Variants in PFKFB2 observed in about 807,000 individuals in gnomAD.
PFKFB2 encodes the protein 6-phosphofructo-2-kinase/fructose-2,6-biphosphatase 2, also known as 6-phosphofructo-2-kinase/fructose-2,6-bisphosphatase 2.
A neutral mutation model predicts 68.0 loss-of-function variants in PFKFB2; 53 were observed. The ratio of observed to expected loss-of-function variants is 0.78; its 90% CI spans 0.63 to 0.98. The LOEUF (loss-of-function observed/expected upper bound fraction) is 0.98. Among genes scored for constraint, PFKFB2 ranks in the 50% least tolerant of loss-of-function variants. PFKFB2 has a pLI of 0.00. For missense variants in PFKFB2, 451 were observed against 642.0 expected, an observed-to-expected ratio of 0.70 and a Z score of 3.22; for synonymous variants, 222 against 227.6, an observed-to-expected ratio of 0.98 and a Z score of 0.22.
In PFKFB2 at chr1:207,063,864, C is replaced by T. The variant is rs374983269; in HGVS notation, c.507+35C>T. The stretch of plus-strand genomic sequence containing the variant: ...ACCCCTACATATCATCTCCTCTTCA[C>T]CTTTTGTGCTGTGTGTGTTGTGGGG... On this transcript the variant is annotated intron_variant, in intron 7 of 14. Coordinates refer to ENST00000367080, the MANE Select transcript of PFKFB2 (RefSeq NM_006212.2). This position sits in a 1 kb window ranked among gnomAD's most constrained non-coding sequence, Gnocchi z 4.1. 27 of 1,349,422 alleles carry T rather than the reference C, an allele frequency of 2.0e-5. No homozygotes were observed. The highest frequency in any genetic ancestry group is 3.5e-5 in the Admixed American group (2 of 57,784). The allele number at this position is 1,349,422 out of a possible 1,614,324, so 83.6% of individuals were successfully genotyped here. A position where few individuals can be genotyped will look rare whatever the true frequency, so the allele number is the denominator to read the frequency against.
rs1683403791 is a variant in PFKFB2 at position 207,069,531 on chromosome 1, A to G, written c.1092+3A>G. The G allele has an allele frequency of 5.1e-6, 8 of 1,575,382 alleles. No individual in the cohort carries two copies. The highest frequency in any genetic ancestry group is 6.1e-6 in the Non-Finnish European group (7 of 1,144,684). On this transcript the variant is annotated splice_donor_region_variant and intron_variant, in intron 11 of 14. Transcript: ENST00000367080. The stretch of plus-strand genomic sequence containing the variant: ...TGTATCGATATCCTGGTGGGGAGGT[A>G]AGACGCCCCTGTCATGTAAAGTGAC...
chr1:207,048,039 T>G (rs1175658341), intron 2 of PFKFB2: 1 of 152,392 alleles, frequency 6.6e-6, no homozygotes, highest in African/African-American at 2.4e-5. Flanking sequence ...GAAGTGCTCT[T>G]AACAAAAAGC....
chr1:207,071,069 C>CT (rs1683451576), intron 12 of PFKFB2, 119 bp from the exon 13 acceptor site: 2 of 803,814 alleles, frequency 2.5e-6, no homozygotes, highest in Non-Finnish European at 4.3e-6. Context: ...TTGTACAACT[C>CT]TAAGAGGTGG....
chr1:207,050,342 T>A (rs530312345), upstream of PFKFB2, among the ~76,000 whole-genome samples: 1 of 151,814 alleles, frequency 6.6e-6, no homozygotes, highest in East Asian at 1.9e-4. Context: ...ATCGGTGATA[T>A]AGGGAAAAAG....
intron 1 of PFKFB2, among the ~76,000 whole-genome samples, chr1:207,040,449 A>G (rs917991086): frequency 9.9e-5 from 15 of 152,228 alleles, no homozygotes; most frequent in Admixed American, 5.2e-4. Flanking sequence ...TCAGAAGGGC[A>G]GAGAAGTTAA....
At chr1:207,049,700 CT>C, upstream of PFKFB2, 1 of 1,613,872 alleles carries the variant, frequency 6.2e-7, no homozygotes, top group Non-Finnish European at 8.5e-7. Flanking sequence ...CTGGTTTGGT[CT>C]TCTTCAATGA....
At chr1:207,067,756 G>T (rs766006505) in intron 9 of PFKFB2, 50 bp downstream of exon 9, 4 of 1,409,656 alleles carry the variant, frequency 2.8e-6, no homozygotes, top group Non-Finnish European at 3.0e-6. Context: ...AGTTAGAAGG[G>T]CATGACTGAG....
chr1:207,067,489 C>G lies in PFKFB2; in HGVS notation c.633-10C>G. 1 of 1,589,596 alleles carries G rather than the reference C, an allele frequency of 6.3e-7. No individual in the cohort carries two copies. Among genetic ancestry groups the G allele is most frequent in the Non-Finnish European group, 8.6e-7 (1 of 1,168,492 alleles). ...ACCTAGGGAATTTTTTTTTTCCTTT[C>G]CTGTCCCAGGGATCTTTCTTTCATC... On this transcript the variant is annotated splice_polypyrimidine_tract_variant and intron_variant, in intron 8 of 14. Coordinates refer to ENST00000367080, the MANE Select transcript of PFKFB2 (RefSeq NM_006212.2).
At chr1:207,037,189 T>C (rs1226970705) in intron 1 of PFKFB2, among the ~76,000 whole-genome samples, 2 of 152,238 alleles carry the variant, frequency 1.3e-5, no homozygotes, top group Non-Finnish European at 2.9e-5. Flanking sequence ...TTTGAATTCT[T>C]CTCTATCTTG....
Position 207,074,153 on chromosome 1 carries a change from A to G in PFKFB2, c.*1782A>G, listed in dbSNP as rs1683552647. The G allele has an allele frequency of 1.0e-6, 1 of 981,522 alleles. No individual in the cohort carries two copies. The allele number at this position is 981,522 out of a possible 1,614,324, so 60.8% of individuals were successfully genotyped here. A position where few individuals can be genotyped will look rare whatever the true frequency, so the allele number is the denominator to read the frequency against. Reference sequence around the variant, plus strand: ...AGCTTCCCGGATGATTCTGATTCATAGCTCGGGTTAAGAACTCCACCTTAG... The same window carrying G: ...AGCTTCCCGGATGATTCTGATTCATGGCTCGGGTTAAGAACTCCACCTTAG... On this transcript the variant is annotated 3_prime_UTR_variant, in exon 15 of 15. Coordinates refer to ENST00000367080, the MANE Select transcript of PFKFB2 (RefSeq NM_006212.2).
At chr1:207,045,661 A>T (rs1682583902) in intron 2 of PFKFB2, 1 of 151,932 alleles carries the variant, frequency 6.6e-6, no homozygotes, top group Non-Finnish European at 1.5e-5. Context: ...TTTTTCCCAA[A>T]AAGATGTAAG....
At chr1:207,046,095 C>G (rs1383424316) in intron 2 of PFKFB2, 2 of 151,952 alleles carry the variant, frequency 1.3e-5, no homozygotes, top group East Asian at 3.9e-4. Context: ...CTACACCTGA[C>G]CTTTAATCCA....
chr1:207,077,470 T>C lies in PFKFB2; in HGVS notation c.*5099T>C. On this transcript the variant is annotated 3_prime_UTR_variant, in exon 15 of 15. Transcript: ENST00000367080. The stretch of plus-strand genomic sequence containing the variant: ...TTATTATATTGACCTAACAAGAAGA[T>C]CAACTTATGCTGGTATGGTGATGGT... 3 of 985,406 alleles carry C rather than the reference T, an allele frequency of 3.0e-6. No individual in the cohort carries two copies. The highest frequency in any genetic ancestry group is 3.6e-6 in the Non-Finnish European group (3 of 829,826). The allele number at this position is 985,406 out of a possible 1,614,324, so 61.0% of individuals were successfully genotyped here.
intron 1 of PFKFB2, among the ~76,000 whole-genome samples, chr1:207,035,661 A>G (rs1274757487): frequency 2.0e-5 from 3 of 148,378 alleles, no homozygotes; most frequent in Admixed American, 6.6e-5. Flanking sequence ...TTAAAAACAA[A>G]CAAACAAACA....
In PFKFB2 at chr1:207,070,772, C is replaced by A; in HGVS notation, c.1222+363C>A. 3.5e-6 allele frequency: 1 copy of A among 289,088 alleles called. No homozygotes were observed. 17.9% of individuals were successfully genotyped at this position (289,088 alleles called of 1,614,324 possible). A position where few individuals can be genotyped will look rare whatever the true frequency, so the allele number is the denominator to read the frequency against. ...AGCAGCAGTTGTTTCTGGGTAAGGG[C>A]AGTAAGAAGGTGCCGTTGCCTTCTT... On this transcript the variant is annotated intron_variant, in intron 12 of 14. Transcript: ENST00000367080. The surrounding 1 kb of genome is among the most constrained non-coding windows in gnomAD (Gnocchi z 4.2).
chr1:207,049,643 C>T (rs780380722), upstream of PFKFB2: 18 of 1,614,154 alleles, frequency 1.1e-5, no homozygotes, highest in South Asian at 1.3e-4. Flanking sequence ...GTTTCCCTGA[C>T]GTAACTAGAA....
chr1:207,052,090 C>G (rs930375659), upstream of PFKFB2: 15 of 1,025,364 alleles, frequency 1.5e-5, no homozygotes, highest in African/African-American at 6.4e-5. Flanking sequence ...GGGATTCAGA[C>G]AGCAAGTCCC....
In PFKFB2 at chr1:207,075,291, T is replaced by A. The variant is rs1400615605; in HGVS notation, c.*2920T>A. Reference sequence around the variant, plus strand: ...TTCTCCAGAAGAGGAGCTGAGGTGGTCTTATCCTCAGATAGGACATGAGAA... The same window carrying A: ...TTCTCCAGAAGAGGAGCTGAGGTGGACTTATCCTCAGATAGGACATGAGAA... On this transcript the variant is annotated 3_prime_UTR_variant, in exon 15 of 15. Transcript: ENST00000367080. The A allele has an allele frequency of 1.0e-6, 1 of 985,264 alleles. No individual in the cohort carries two copies. The highest frequency in any genetic ancestry group is 1.2e-6 in the Non-Finnish European group (1 of 829,902). 61.0% of individuals were successfully genotyped at this position (985,264 alleles called of 1,614,324 possible).
chr1:207,046,352 T>C (rs903169094), intron 2 of PFKFB2: 2 of 151,796 alleles, frequency 1.3e-5, no homozygotes, highest in African/African-American at 4.8e-5. Flanking sequence ...AATAACTAAT[T>C]CCAAGAGTTT....
Sources: allele counts gnomAD v4.1 joint callset (sites outside exome capture counted in the v4.1 genomes callset), GRCh38; gene constraint gnomAD v4.1.1; non-coding constraint Gnocchi (gnomAD v3.1); transcripts MANE v1.5; gene names NCBI Gene and HGNC (gene_info 2026-07-23, HGNC 2026-07-21).